DNMT3A: variants seen among roughly 807,000 people sequenced by gnomAD.
DNMT3A encodes the protein DNA (cytosine-5)-methyltransferase 3A.
DNMT3A carries 267 observed loss-of-function variants against 117.6 expected under a neutral mutation model. The observed-to-expected ratio is 2.27, with a 90% CI of 2.05 to 2.51. The LOEUF is 2.51. DNMT3A is among the 30% of genes most tolerant of loss of function. The pLI, the probability that DNMT3A is intolerant of heterozygous loss-of-function variation, is 0.00. For missense variants in DNMT3A, 1,029 were observed against 1,260.2 expected, an observed-to-expected ratio of 0.82 and a Z score of 2.78; for synonymous variants, 432 against 474.8, an observed-to-expected ratio of 0.91 and a Z score of 1.17.
At chr2:25,291,842 C>T (rs956817446) in intron 3 of DNMT3A, among the ~76,000 whole-genome samples, 2 of 152,238 alleles carry the variant, frequency 1.3e-5, no homozygotes, top group Non-Finnish European at 2.9e-5. Flanking sequence ...GGTGAGTGGC[C>T]GGCCCACTCA....
intron 1 of DNMT3A, among the ~76,000 whole-genome samples, chr2:25,338,269 G>T (rs2035284745): frequency 6.6e-6 from 1 of 152,210 alleles, no homozygotes; most frequent in Non-Finnish European, 1.5e-5. Flanking sequence ...AGCTCTCAGA[G>T]CTTAAACTCC....
At chr2:25,248,775 T>C (rs970919189) in intron 6 of DNMT3A, among the ~76,000 whole-genome samples, 1 of 152,132 alleles carries the variant, frequency 6.6e-6, no homozygotes, top group African/African-American at 2.4e-5. Context: ...CTCTAACTCC[T>C]GACCTCAGGT....
chr2:25,234,307 G>C lies in DNMT3A; in HGVS notation c.2711C>G (p.Pro904Arg), dbSNP rs149095705. 6.2e-7 allele frequency: 1 copy of C among 1,613,754 alleles called. No individual in the cohort carries two copies. Among genetic ancestry groups the C allele is most frequent in the Non-Finnish European group, 8.5e-7 (1 of 1,179,816 alleles). Residue 904 changes from proline (P) to arginine (R), a missense_variant, in exon 23 of 23, where the codon CCG becomes CGG. Coordinates refer to ENST00000321117, the MANE Select transcript of DNMT3A (RefSeq NM_022552.5). The surrounding 1 kb of genome is among the most constrained non-coding windows in gnomAD (Gnocchi z 4.5). ...SVPVIRHLFA[P>R]LKEYFACV Reference sequence around the variant, plus strand: ...CACACACGCAAAATACTCCTTCAGCGGAGCGAAGAGGTGGCGGATGACTGG... The same window carrying C: ...CACACACGCAAAATACTCCTTCAGCCGAGCGAAGAGGTGGCGGATGACTGG...
At chr2:25,238,186 C>G (rs868002596) in intron 20 of DNMT3A, among the ~76,000 whole-genome samples, 1 of 152,074 alleles carries the variant, frequency 6.6e-6, no homozygotes, top group Non-Finnish European at 1.5e-5. Flanking sequence ...CATCCATTTC[C>G]CAATATGCAC....
chr2:25,303,461 C>A (rs921391799), intron 2 of DNMT3A, among the ~76,000 whole-genome samples: 1 of 152,212 alleles, frequency 6.6e-6, no homozygotes, highest in African/African-American at 2.4e-5. Context: ...TCCGTGCAAC[C>A]CAGCCCAGGA....
intron 3 of DNMT3A, among the ~76,000 whole-genome samples, chr2:25,292,335 G>A (rs1474622550): frequency 6.7e-6 from 1 of 148,670 alleles, no homozygotes; most frequent in Non-Finnish European, 1.5e-5. Flanking sequence ...GGGCAACAGA[G>A]TGAGAATCTG....
At chr2:25,280,286 GCCCACTCCCCGCCTC>G (rs1237759021) in intron 4 of DNMT3A, among the ~76,000 whole-genome samples, 1 of 148,364 alleles carries the variant, frequency 6.7e-6, no homozygotes, top group African/African-American at 2.5e-5. Context: ...CACACACACT[GCCCACTCCCCGCCTC>G]CCCACCCCCC....
At chr2:25,310,416 G>A (rs970281638) in intron 2 of DNMT3A, among the ~76,000 whole-genome samples, 2 of 150,538 alleles carry the variant, frequency 1.3e-5, no homozygotes, top group Admixed American at 6.6e-5. Flanking sequence ...CCCAGAGCTC[G>A]GCCTGCCTCC....
At chr2:25,328,909 T>C (rs1003303491) in intron 1 of DNMT3A, among the ~76,000 whole-genome samples, 2 of 151,902 alleles carry the variant, frequency 1.3e-5, no homozygotes, top group Non-Finnish European at 2.9e-5. Context: ...GGGGGCTGAG[T>C]CCTTGTCTGG....
Position 25,240,304 on chromosome 2 carries a change from CGAGAA to C in DNMT3A, c.2315_2319del (p.Phe772Ter). ...CAAACCAAGGTTGCTGGCTATACCT[CGAGAA>C]ATCGCGAGATGTCCCTCTTGTCACT... On this transcript the variant is annotated frameshift_variant, in exon 19 of 23. Transcript: ENST00000321117. LOFTEE classifies it high-confidence loss of function. The C allele has an allele frequency of 6.2e-7, 1 of 1,614,096 alleles. No homozygotes were observed. The highest frequency in any genetic ancestry group is 8.5e-7 in the Non-Finnish European group (1 of 1,179,990).
At chr2:25,340,099 A>AG (rs550784415) in intron 1 of DNMT3A, among the ~76,000 whole-genome samples, 37 of 152,170 alleles carry the variant, frequency 2.4e-4, no homozygotes, top group South Asian at 8.3e-4. Context: ...GCTGGTTTGG[A>AG]GGGGGGGTAG....
Position 25,274,956 on chromosome 2 carries a change from T to G in DNMT3A, c.624A>C (p.Ala208=), listed in dbSNP as rs2031272206. The G allele has an allele frequency of 6.2e-7, 1 of 1,611,732 alleles. No individual in the cohort carries two copies. The highest frequency in any genetic ancestry group is 8.5e-7 in the Non-Finnish European group (1 of 1,178,432). The change falls in exon 6 of 23, where the codon GCA becomes GCC. Residue 208 remains alanine (A), a synonymous_variant. Transcript: ENST00000321117. ...GGCGCCTCACCTCCCTTTTCCAGCGTGCCAGCCACTCGTCCCGCTTGCGCT... is the reference window on the plus strand; with the variant it reads ...GGCGCCTCACCTCCCTTTTCCAGCGGGCCAGCCACTCGTCCCGCTTGCGCT... ...ISKRKRDEWL[A]RWKREAEKKA... is the part of the protein sequence containing the mutation.
chr2:25,323,763 C>T (rs766747422), intron 1 of DNMT3A, among the ~76,000 whole-genome samples: 4 of 152,208 alleles, frequency 2.6e-5, no homozygotes, highest in South Asian at 2.1e-4. Context: ...TAAGCTCCTC[C>T]GACATGCCAG....
At chr2:25,270,983 C>T (rs1219476871) in intron 6 of DNMT3A, among the ~76,000 whole-genome samples, 1 of 150,092 alleles carries the variant, frequency 6.7e-6, no homozygotes, top group African/African-American at 2.5e-5. Flanking sequence ...GAGATTGTGC[C>T]ATTGCACTCC....
chr2:25,251,160 G>T (rs1283081667), intron 6 of DNMT3A, among the ~76,000 whole-genome samples: 5 of 143,354 alleles, frequency 3.5e-5, no homozygotes, highest in Admixed American at 1.4e-4. Flanking sequence ...AAGCGGGGGG[G>T]GGGGTGGGTG....
chr2:25,248,847 C>T (rs1215089179), intron 6 of DNMT3A, among the ~76,000 whole-genome samples: 1 of 152,040 alleles, frequency 6.6e-6, no homozygotes, highest in Non-Finnish European at 1.5e-5. Flanking sequence ...TGTGTCTAGC[C>T]TACGTTAATG....
At chr2:25,288,114 G>T (rs2032450841) in intron 3 of DNMT3A, among the ~76,000 whole-genome samples, 1 of 149,248 alleles carries the variant, frequency 6.7e-6, no homozygotes, top group Non-Finnish European at 1.5e-5. Context: ...GAGATTACAG[G>T]CATGAGCCAC....
intron 3 of DNMT3A, among the ~76,000 whole-genome samples, chr2:25,292,760 TAGGAGAACCAAAA>T (rs2032851305): frequency 6.6e-6 from 1 of 152,096 alleles, no homozygotes; most frequent in Non-Finnish European, 1.5e-5. Flanking sequence ...TTTCTTGAGG[TAGGAGAACCAAAA>T]TGTACAAAAT....
chr2:25,335,986 G>A (rs2035201610), intron 1 of DNMT3A, among the ~76,000 whole-genome samples: 1 of 152,052 alleles, frequency 6.6e-6, no homozygotes, highest in Non-Finnish European at 1.5e-5. Flanking sequence ...TCCATACTGG[G>A]ATTTAGCTAG....
Sources: allele counts gnomAD v4.1 joint callset (sites outside exome capture counted in the v4.1 genomes callset), GRCh38; gene constraint gnomAD v4.1.1; non-coding constraint Gnocchi (gnomAD v3.1); transcripts MANE v1.5; gene names NCBI Gene and HGNC (gene_info 2026-07-23, HGNC 2026-07-21).